Variants in OR6P1 observed in about 807,000 individuals in gnomAD.
OR6P1 encodes olfactory receptor family 6 subfamily P member 1.
In OR6P1, 5 loss-of-function variants were observed where a neutral mutation model predicts 6.6. The observed-to-expected ratio is 0.76, with a 90% CI of 0.40 to 1.60. OR6P1 has a LOEUF of 1.60. Among genes scored for constraint, OR6P1 ranks in the 40% most tolerant of loss-of-function variants. The pLI is 0.02. For missense variants in OR6P1, 451 were observed against 383.0 expected, an observed-to-expected ratio of 1.18 and a Z score of -1.48; for synonymous variants, 177 against 149.6, an observed-to-expected ratio of 1.18 and a Z score of -1.33.
Position 158,563,216 on chromosome 1 carries a change from A to AG in OR6P1, c.388dup (p.Leu130ProfsTer5), listed in dbSNP as rs1426494862. 1 of 1,551,538 alleles carries AG rather than the reference A, an allele frequency of 6.4e-7. No homozygotes were observed. The highest frequency in any genetic ancestry group is 1.4e-5 in the African/African-American group (1 of 73,092). On this transcript the variant is annotated frameshift_variant, in exon 3 of 3. Transcript: ENST00000641540. LOFTEE classifies it high-confidence loss of function. The stretch of plus-strand genomic sequence containing the variant: ...GGAAGGCATGAGACTAGGGTAAAGG[A>AG]GGGGTCCACAGATGGCCAGGTAGCG...
chr1:158,568,879 G>C (rs943357025), intron 1 of OR6P1, among the ~76,000 whole-genome samples: 1 of 152,116 alleles, frequency 6.6e-6, no homozygotes, highest in South Asian at 2.1e-4. Flanking sequence ...GTACCTTCCT[G>C]GATTTGTCCT....
At chr1:158,569,524 A>G (rs1648187222) in intron 1 of OR6P1, among the ~76,000 whole-genome samples, 1 of 152,208 alleles carries the variant, frequency 6.6e-6, no homozygotes, top group Non-Finnish European at 1.5e-5. Context: ...AAGAATCTTA[A>G]TGCACCTACC....
chr1:158,563,085 T>C lies in OR6P1; in HGVS notation c.520A>G (p.Ile174Val), dbSNP rs757412878. The change falls in exon 3 of 3, where the codon ATC becomes GTC. Residue 174 changes from isoleucine to valine, a missense_variant. Ile to Val is a conservative substitution (Grantham distance 29). Transcript: ENST00000641540. ...SQLSYCGPNI[I>V]NHFFCDISPL... ...GAAATATCACAGAAAAAGTGGTTGA[T>C]AATGTTGGGTCCACAGTAGGACAAT... is the stretch of plus-strand genomic sequence containing the variant. 5 of 1,551,718 alleles carry C rather than the reference T, an allele frequency of 3.2e-6. No individual in the cohort carries two copies. The highest frequency in any genetic ancestry group is 4.4e-6 in the Non-Finnish European group (5 of 1,147,064).
Position 158,563,616 on chromosome 1 carries a change from C to G in OR6P1, c.-12G>C. 6.8e-7 allele frequency: 1 copy of G among 1,477,458 alleles called. No homozygotes were observed. The highest frequency in any genetic ancestry group is 9.1e-7 in the Non-Finnish European group (1 of 1,098,076). The allele number at this position is 1,477,458 out of a possible 1,614,324, so 91.5% of individuals were successfully genotyped here. Reference sequence around the variant, plus strand: ...CTCAAATTTCTCATGGCTCTCTGTCCACTTGAGTGCCTAAAATAAATCACA... The same window carrying G: ...CTCAAATTTCTCATGGCTCTCTGTCGACTTGAGTGCCTAAAATAAATCACA... On this transcript the variant is annotated 5_prime_UTR_variant, in exon 3 of 3. Coordinates refer to ENST00000641540, the MANE Select transcript of OR6P1 (RefSeq NM_001160325.2).
At chr1:158,568,173 T>C (rs544949792) in intron 1 of OR6P1, among the ~76,000 whole-genome samples, 4 of 152,318 alleles carry the variant, frequency 2.6e-5, no homozygotes, top group African/African-American at 9.6e-5. Flanking sequence ...GCTCCCAGTC[T>C]GCCCTCCCTG....
chr1:158,561,589 TG>T lies in OR6P1; in HGVS notation c.*1061del, dbSNP rs1456717089. On this transcript the variant is annotated 3_prime_UTR_variant, in exon 3 of 3. Transcript: ENST00000641540. ...CCCACATCTAAATAATCATTGAATTTGGTTCAATATGCAGAAATTTGTGTAA... is the reference window on the plus strand; with the variant it reads ...CCCACATCTAAATAATCATTGAATTTGTTCAATATGCAGAAATTTGTGTAA... 1 of 152,246 alleles carries T rather than the reference TG, an allele frequency of 6.6e-6. No homozygotes were observed. Among genetic ancestry groups the T allele is most frequent in the African/African-American group, 2.4e-5 (1 of 41,472 alleles). The allele number at this position is 152,246 out of a possible 1,614,324, so 9.4% of individuals were successfully genotyped here.
intron 1 of OR6P1, among the ~76,000 whole-genome samples, chr1:158,567,670 C>T (rs1322304894): frequency 6.0e-5 from 9 of 148,876 alleles, no homozygotes. Flanking sequence ...GGAGGGATAG[C>T]ATTGGGAGAT....
In OR6P1 at chr1:158,562,340, G is replaced by T. The variant is rs952297602; in HGVS notation, c.*311C>A. 1 of 294,892 alleles carries T rather than the reference G, an allele frequency of 3.4e-6. No individual in the cohort carries two copies. Among genetic ancestry groups the T allele is most frequent in the Admixed American group, 5.1e-5 (1 of 19,646 alleles). The allele number at this position is 294,892 out of a possible 1,614,324, so 18.3% of individuals were successfully genotyped here. On this transcript the variant is annotated 3_prime_UTR_variant, in exon 3 of 3. Coordinates refer to ENST00000641540, the MANE Select transcript of OR6P1 (RefSeq NM_001160325.2). The stretch of plus-strand genomic sequence containing the variant: ...TCTATGAAATAGGAATTCCCAGGAA[G>T]TTTTGAATATTATTCACGGCAGGGT...
At chr1:158,566,724 A>T (rs1453667017) in intron 2 of OR6P1, 40 bp downstream of exon 2, 1 of 152,204 alleles carries the variant, frequency 6.6e-6, no homozygotes, top group Admixed American at 6.5e-5. Context: ...GTTCTTTTCC[A>T]GTTATTGCAC....
At position 158,568,268 on chromosome 1, in the gene OR6P1, G is replaced by C. The variant is rs142797111; in HGVS notation, c.-117-1410C>G. On this transcript the variant is annotated intron_variant, in intron 1 of 2. Coordinates refer to ENST00000641540, the MANE Select transcript of OR6P1 (RefSeq NM_001160325.2). ...AGCTCTGAGTATATCACGGCACTGT[G>C]CCCACTGAACTCTTCTTGTATTTGT... 8.8e-4 allele frequency among the ~76,000 whole-genome samples: 134 copies of C among 152,208 alleles called. 1 individual carries two copies. The highest frequency in any genetic ancestry group is 3.1e-3 in the African/African-American group (127 of 41,536).
At chr1:158,566,716 T>C (rs1648104507) in intron 2 of OR6P1, 48 bp downstream of exon 2, 1 of 152,186 alleles carries the variant, frequency 6.6e-6, no homozygotes, top group African/African-American at 2.4e-5. Flanking sequence ...AAACTAGGGT[T>C]CTTTTCCAGT....
chr1:158,564,947 A>G (rs1458601155), intron 2 of OR6P1, among the ~76,000 whole-genome samples: 2 of 152,250 alleles, frequency 1.3e-5, no homozygotes, highest in Non-Finnish European at 2.9e-5. Flanking sequence ...GTGACATGTC[A>G]TTAAGCATTT....
rs1647984876 is a variant in OR6P1 at position 158,562,775 on chromosome 1, A to G, written c.830T>C (p.Leu277Pro). 1 of 1,553,378 alleles carries G rather than the reference A, an allele frequency of 6.4e-7. No individual in the cohort carries two copies. Among genetic ancestry groups the G allele is most frequent in the Non-Finnish European group, 8.7e-7 (1 of 1,147,892 alleles). Reference protein sequence around the residue: ...TFNHNKIISVLYTIIVPFFNP... With the variant: ...TFNHNKIISVPYTIIVPFFNP... ...GAAGAATGGTACAATGATAGTGTAGAGCACAGAGATAATCTTGTTGTGGTT... is the reference window on the plus strand; with the variant it reads ...GAAGAATGGTACAATGATAGTGTAGGGCACAGAGATAATCTTGTTGTGGTT... The change falls in exon 3 of 3, where the codon CTC (leucine) becomes CCC (proline). Residue 277 changes from leucine to proline, a missense_variant. Coordinates refer to ENST00000641540, the MANE Select transcript of OR6P1 (RefSeq NM_001160325.2).
In OR6P1 at chr1:158,563,030, T is replaced by C. The variant is rs539303575; in HGVS notation, c.575A>G (p.Lys192Arg). 1 of 1,551,652 alleles carries C rather than the reference T, an allele frequency of 6.4e-7. No homozygotes were observed. The highest frequency in any genetic ancestry group is 2.4e-5 in the East Asian group (1 of 40,916). ...SPLLNLTCSD[K>R]EQAELVDFLL... ...GAAGTCTACTAGCTCTGCTTGCTCC[T>C]TGTCAGAGCAGGTGAGGTTGAGTAG... is the stretch of plus-strand genomic sequence containing the variant. Residue 192 changes from lysine to arginine, a missense_variant, in exon 3 of 3, where the codon AAG becomes AGG. Lys to Arg is a conservative substitution (Grantham distance 26, BLOSUM62 2). Coordinates refer to ENST00000641540, the MANE Select transcript of OR6P1 (RefSeq NM_001160325.2).
intron 2 of OR6P1, among the ~76,000 whole-genome samples, chr1:158,566,475 G>A (rs1446055188): frequency 6.6e-6 from 1 of 152,126 alleles, no homozygotes; most frequent in East Asian, 1.9e-4. Flanking sequence ...AAATTCTCAA[G>A]AGACAAGGTA....
At chr1:158,569,083 A>G (rs1648177027) in intron 1 of OR6P1, among the ~76,000 whole-genome samples, 1 of 152,234 alleles carries the variant, frequency 6.6e-6, no homozygotes, top group Non-Finnish European at 1.5e-5. Context: ...TTTGTGAAAT[A>G]GTTCTGCTGC....
chr1:158,564,554 C>T (rs1648049831), intron 2 of OR6P1, among the ~76,000 whole-genome samples: 1 of 152,028 alleles, frequency 6.6e-6, no homozygotes, highest in South Asian at 2.1e-4. Context: ...TTGGAGACTG[C>T]AATGATTTGG....
At chr1:158,564,299 C>T (rs1648042942) in intron 2 of OR6P1, among the ~76,000 whole-genome samples, 3 of 152,120 alleles carry the variant, frequency 2.0e-5, no homozygotes, top group Non-Finnish European at 1.5e-5. Flanking sequence ...AAAAATTGAA[C>T]TTCTGAAAGT....
chr1:158,569,474 C>G (rs1276803423), intron 1 of OR6P1, among the ~76,000 whole-genome samples: 1 of 152,126 alleles, frequency 6.6e-6, no homozygotes, highest in Non-Finnish European at 1.5e-5. Flanking sequence ...TTTTGTTTTT[C>G]TTTGTTTCCC....
Sources: gnomAD v4.1 joint callset for allele counts (sites outside exome capture counted in the v4.1 genomes callset) on GRCh38, gnomAD v4.1.1 for gene constraint, MANE v1.5 for transcripts, NCBI Gene and HGNC (gene_info 2026-07-23, HGNC 2026-07-21) for gene names.